MYO3A: variants seen among roughly 807,000 people sequenced by gnomAD.
The protein encoded by MYO3A is myosin-IIIa.
Under a neutral mutation model 192.7 loss-of-function variants are expected in MYO3A, and 180 were observed. The ratio of observed to expected loss-of-function variants is 0.93; its 90% CI spans 0.83 to 1.06. MYO3A has a LOEUF of 1.06. Ranked by LOEUF, MYO3A falls within the 50% of genes least tolerant of loss-of-function variation. The probability of loss-of-function intolerance (pLI) is 0.00; values close to 1 mark genes in which losing one functional copy is unlikely to be tolerated. For missense variants in MYO3A, 1,896 were observed against 1,905.0 expected (o/e 1.00, Z 0.09); for synonymous variants, 628 against 645.3 (o/e 0.97, Z 0.41).
chr10:26,024,731 A>G (rs1842463179), intron 9 of MYO3A, among the ~76,000 whole-genome samples: 1 of 152,190 alleles, frequency 6.6e-6, no homozygotes, highest in Non-Finnish European at 1.5e-5. Context: ...ATGGAGTTGT[A>G]GATGCTTCCA....
At chr10:25,984,196 A>G (rs1020636665) in intron 4 of MYO3A, among the ~76,000 whole-genome samples, 1 of 152,204 alleles carries the variant, frequency 6.6e-6, no homozygotes, top group Non-Finnish European at 1.5e-5. Flanking sequence ...TAACAATAAC[A>G]CAATGAAAAA....
chr10:26,197,427 A>G (rs1843466523), intron 32 of MYO3A, among the ~76,000 whole-genome samples: 1 of 152,220 alleles, frequency 6.6e-6, no homozygotes, highest in Admixed American at 6.5e-5. Context: ...AGTCTATGGG[A>G]CTATTGGGTT....
At chr10:26,184,527 T>C (rs1318534569) in intron 31 of MYO3A, among the ~76,000 whole-genome samples, 2 of 152,216 alleles carry the variant, frequency 1.3e-5, no homozygotes, top group African/African-American at 2.4e-5. Context: ...TAATTATCAT[T>C]AAAATGAGAC....
intron 4 of MYO3A, among the ~76,000 whole-genome samples, chr10:25,989,036 T>C (rs145947202): frequency 6.7e-6 from 1 of 149,888 alleles, no homozygotes; most frequent in East Asian, 2.0e-4. Flanking sequence ...CTCGAACTCA[T>C]GGGCTCATGC....
At chr10:26,066,398 C>T (rs2131369514) in intron 10 of MYO3A, among the ~76,000 whole-genome samples, 1 of 152,288 alleles carries the variant, frequency 6.6e-6, no homozygotes, top group African/African-American at 2.4e-5. Context: ...TTGTGTTTAT[C>T]TCAGCAACTT....
chr10:26,042,564 T>C (rs1843410510), intron 10 of MYO3A, among the ~76,000 whole-genome samples: 1 of 152,194 alleles, frequency 6.6e-6, no homozygotes, highest in South Asian at 2.1e-4. Flanking sequence ...TCACTAATTC[T>C]TTCTTCTGCT....
At chr10:26,025,768 C>G (rs1842511867) in intron 9 of MYO3A, among the ~76,000 whole-genome samples, 3 of 152,192 alleles carry the variant, frequency 2.0e-5, no homozygotes, top group Non-Finnish European at 1.5e-5. Context: ...TAGTCCTATC[C>G]TTTCTCATGA....
At position 26,147,362 on chromosome 10, in the gene MYO3A, A is replaced by T. The variant is rs528660343; in HGVS notation, c.2506-68A>T. 3 of 1,461,840 alleles carry T rather than the reference A, an allele frequency of 2.1e-6. No individual in the cohort carries two copies. In the African/African-American group the frequency reaches 4.2e-5, roughly 21 times the overall value. The allele number at this position is 1,461,840 out of a possible 1,614,324, so 90.6% of individuals were successfully genotyped here. ...TAATGAGTATCTGTTGTTGATGATG[A>T]TGATGGTGAGGAGGAGGAGGATGAC... is the stretch of plus-strand genomic sequence containing the variant. On this transcript the variant is annotated intron_variant, in intron 22 of 34. Coordinates refer to ENST00000642920, the MANE Select transcript of MYO3A (RefSeq NM_017433.5).
chr10:26,090,673 A>G (rs996772326), intron 15 of MYO3A, among the ~76,000 whole-genome samples: 2 of 152,198 alleles, frequency 1.3e-5, no homozygotes, highest in African/African-American at 2.4e-5. Context: ...CAGACATGTG[A>G]TTGATGGAAG....
At chr10:26,165,901 G>A (rs1841717509) in intron 26 of MYO3A, 166 bp from the exon 27 acceptor site, 2 of 719,098 alleles carry the variant, frequency 2.8e-6, no homozygotes, top group Non-Finnish European at 5.0e-6. Context: ...CATCAGTTTG[G>A]AATTTGGTCT....
intron 15 of MYO3A, among the ~76,000 whole-genome samples, chr10:26,093,423 G>A (rs1169964646): frequency 6.6e-6 from 1 of 152,180 alleles, no homozygotes; most frequent in Non-Finnish European, 1.5e-5. Context: ...AACTTCACTT[G>A]TATGCAATGT....
intron 33 of MYO3A, among the ~76,000 whole-genome samples, chr10:26,201,519 A>G (rs2132204729): frequency 6.6e-6 from 1 of 151,278 alleles, no homozygotes; most frequent in Non-Finnish European, 1.5e-5. Context: ...TCTCTACTAA[A>G]AATACAAAAA....
intron 20 of MYO3A, among the ~76,000 whole-genome samples, chr10:26,139,564 T>TTAA: frequency 6.6e-6 from 1 of 152,292 alleles, no homozygotes; most frequent in South Asian, 2.1e-4. Flanking sequence ...TTAGAAGTGT[T>TTAA]TATTATTAGA....
At chr10:25,969,068 T>G (rs1028467095) in intron 4 of MYO3A, among the ~76,000 whole-genome samples, 2 of 152,130 alleles carry the variant, frequency 1.3e-5, no homozygotes, top group Admixed American at 1.3e-4. Context: ...TGAAACCCCA[T>G]CTCTACTAAA....
At chr10:26,192,413 T>C (rs1332917731) in intron 31 of MYO3A, among the ~76,000 whole-genome samples, 1 of 152,158 alleles carries the variant, frequency 6.6e-6, no homozygotes, top group Non-Finnish European at 1.5e-5. Flanking sequence ...GAGGCAGTAC[T>C]TAAAAATGAA....
Position 26,147,547 on chromosome 10 carries a change from C to T in MYO3A, c.2623C>T (p.Leu875=). ...AATTAGGCAACTAGTCAACCACCCT[C>T]TGACCAAAACAGGTAAGACAATTTT... ...SVIRQLVNHP[L]TKTGNLPHSK... The change falls in exon 23 of 35, where the codon CTG becomes TTG. Residue 875 remains leucine, a synonymous_variant. Transcript: ENST00000642920. 1 of 1,614,040 alleles carries T rather than the reference C, an allele frequency of 6.2e-7. No homozygotes were observed. Among genetic ancestry groups the T allele is most frequent in the African/African-American group, 1.3e-5 (1 of 75,046 alleles).
intron 4 of MYO3A, among the ~76,000 whole-genome samples, chr10:25,960,111 AT>A (rs1428831079): frequency 1.3e-5 from 2 of 151,558 alleles, no homozygotes; most frequent in African/African-American, 4.8e-5. Context: ...AATTTATTGA[AT>A]TTTTTTGCTC....
intron 10 of MYO3A, 103 bp downstream of exon 10, chr10:26,026,635 T>C: frequency 7.4e-7 from 1 of 1,354,186 alleles, no homozygotes; most frequent in Non-Finnish European, 1.0e-6. Context: ...TTGGAGGTAA[T>C]GGGGACTTAC....
In MYO3A at chr10:26,096,817, T is replaced by C. The variant is rs186499149; in HGVS notation, c.1776+135T>C. ...AATTGAAACAGCATTATGAAATAAC[T>C]GGAAATATAATATTTACTTTATAAG... On this transcript the variant is annotated intron_variant, in intron 17 of 34. Transcript: ENST00000642920. The C allele has an allele frequency of 2.9e-4, 190 of 651,842 alleles. No individual in the cohort carries two copies. In the African/African-American group the frequency reaches 3.3e-3, roughly 11 times the overall value. The allele number at this position is 651,842 out of a possible 1,614,324, so 40.4% of individuals were successfully genotyped here. A position where few individuals can be genotyped will look rare whatever the true frequency, so the allele number is the denominator to read the frequency against.
Sources: gnomAD v4.1 joint callset for allele counts (sites outside exome capture counted in the v4.1 genomes callset) on GRCh38, gnomAD v4.1.1 for gene constraint, MANE v1.5 for transcripts, NCBI Gene and HGNC (gene_info 2026-07-23, HGNC 2026-07-21) for gene names.